Variants in SOX5 observed in about 807,000 individuals in gnomAD.
SOX5 encodes transcription factor SOX-5.
In SOX5, 9 loss-of-function variants were observed where a neutral mutation model predicts 92.0. The observed-to-expected ratio is 0.10, with a 90% CI of 0.06 to 0.17. The LOEUF (loss-of-function observed/expected upper bound fraction) is 0.17, where lower values mean the gene tolerates loss of function less well. Ranked by LOEUF, SOX5 falls within the 10% of genes least tolerant of loss-of-function variation. The probability of loss-of-function intolerance (pLI) is 1.00; values close to 1 mark genes in which losing one functional copy is unlikely to be tolerated. For synonymous variants in SOX5, 344 were observed against 336.3 expected (o/e 1.02, Z -0.25); for missense variants, 642 against 944.5 (o/e 0.68, Z 4.20).
At chr12:24,547,430 A>T (rs937142356) in intron 1 of SOX5, among the ~76,000 whole-genome samples, 1 of 151,854 alleles carries the variant, frequency 6.6e-6, no homozygotes, top group Non-Finnish European at 1.5e-5. Context: ...TGACCTCATG[A>T]TCCACCCGCC....
chr12:24,216,472 C>A (rs1484524378), intron 3 of SOX5, among the ~76,000 whole-genome samples: 1 of 151,540 alleles, frequency 6.6e-6, no homozygotes, highest in South Asian at 2.1e-4. Context: ...TGACAGAGCG[C>A]GACTCCGCCT....
chr12:23,712,961 C>A (rs1235217809), intron 6 of SOX5, among the ~76,000 whole-genome samples: 1 of 152,050 alleles, frequency 6.6e-6, no homozygotes, highest in Admixed American at 6.6e-5. Flanking sequence ...AACTGTGTTC[C>A]CCCAAAAGAT....
intron 1 of SOX5, among the ~76,000 whole-genome samples, chr12:23,917,411 G>A (rs1023741089): frequency 3.3e-5 from 5 of 151,970 alleles, no homozygotes; most frequent in African/African-American, 1.2e-4. Context: ...AAAATGGATA[G>A]GCCTGGTGGC....
At chr12:24,384,446 A>G (rs1958157187) in intron 1 of SOX5, among the ~76,000 whole-genome samples, 1 of 152,218 alleles carries the variant, frequency 6.6e-6, no homozygotes, top group Admixed American at 6.5e-5. Context: ...CAATGTGCCC[A>G]AAGCATAAGA....
At chr12:24,078,243 C>G (rs1942892093) in intron 4 of SOX5, among the ~76,000 whole-genome samples, 1 of 151,936 alleles carries the variant, frequency 6.6e-6, no homozygotes, top group South Asian at 2.1e-4. Flanking sequence ...AGAAGTAACA[C>G]TAGCTATGGA....
chr12:24,326,175 C>A (rs1244176157), intron 2 of SOX5, among the ~76,000 whole-genome samples: 1 of 152,148 alleles, frequency 6.6e-6, no homozygotes, highest in Non-Finnish European at 1.5e-5. Flanking sequence ...ATTTGCTTCC[C>A]TTTTCTTACT....
At chr12:23,995,798 G>C (rs922494655) in intron 4 of SOX5, among the ~76,000 whole-genome samples, 1 of 152,144 alleles carries the variant, frequency 6.6e-6, no homozygotes, top group Non-Finnish European at 1.5e-5. Context: ...TCTGCTCATC[G>C]TAGTTACATA....
chr12:24,067,987 T>C (rs1941065334), intron 4 of SOX5, among the ~76,000 whole-genome samples: 1 of 152,046 alleles, frequency 6.6e-6, no homozygotes, highest in Non-Finnish European at 1.5e-5. Context: ...TCTACTAAAA[T>C]ACAAAAAATT....
At chr12:23,668,772 T>C (rs950817669) in intron 6 of SOX5, among the ~76,000 whole-genome samples, 1 of 152,140 alleles carries the variant, frequency 6.6e-6, no homozygotes, top group Non-Finnish European at 1.5e-5. Context: ...AAGAGGCTAC[T>C]TCCTATATTT....
At chr12:24,223,938 G>A (rs1235198210) in intron 3 of SOX5, among the ~76,000 whole-genome samples, 1 of 152,204 alleles carries the variant, frequency 6.6e-6, no homozygotes, top group African/African-American at 2.4e-5. Context: ...TCTTCAGGCA[G>A]GTGGCATCTC....
intron 2 of SOX5, among the ~76,000 whole-genome samples, chr12:23,890,636 C>T (rs373064299): frequency 6.6e-6 from 1 of 152,066 alleles, no homozygotes. Flanking sequence ...GTACTCTATT[C>T]CCTTCTGGTG....
intron 6 of SOX5, among the ~76,000 whole-genome samples, chr12:23,676,609 G>C (rs1363058785): frequency 6.6e-6 from 1 of 152,172 alleles, no homozygotes; most frequent in Non-Finnish European, 1.5e-5. Flanking sequence ...AGGAATACCG[G>C]GGCAGAGACT....
intron 2 of SOX5, among the ~76,000 whole-genome samples, chr12:23,850,447 TAAATAAAAAAA>T (rs1466630491): frequency 1.0e-4 from 10 of 99,518 alleles, no homozygotes; most frequent in African/African-American, 3.9e-4. Context: ...AATAAATAAA[TAAATAAAAAAA>T]AAATAAATAA....
chr12:24,120,611 C>T (rs545982004), intron 4 of SOX5, among the ~76,000 whole-genome samples: 1 of 152,274 alleles, frequency 6.6e-6, no homozygotes, highest in South Asian at 2.1e-4. Flanking sequence ...AAAAATAAAG[C>T]ATTCAATATT....
chr12:24,375,765 A>G (rs933319110), intron 1 of SOX5, among the ~76,000 whole-genome samples: 13 of 151,570 alleles, frequency 8.6e-5, no homozygotes, highest in African/African-American at 2.2e-4. Flanking sequence ...GTGAGAATAC[A>G]TTATGGAAAC....
At chr12:24,511,368 C>A (rs1163157664) in intron 1 of SOX5, among the ~76,000 whole-genome samples, 2 of 152,174 alleles carry the variant, frequency 1.3e-5, no homozygotes, top group African/African-American at 2.4e-5. Context: ...CCCAATGTTC[C>A]ATGACTATGT....
chr12:24,008,313 C>G (rs1330012149), intron 4 of SOX5, among the ~76,000 whole-genome samples: 6 of 152,104 alleles, frequency 3.9e-5, no homozygotes, highest in Non-Finnish European at 5.9e-5. Context: ...AGAATAAAAG[C>G]ATTCTACAAT....
chr12:23,728,070 AAGG>A lies in SOX5; in HGVS notation c.810+6611_810+6613del, dbSNP rs758653012. On this transcript the variant is annotated intron_variant, in intron 6 of 14. Coordinates refer to ENST00000451604, the MANE Select transcript of SOX5 (RefSeq NM_006940.6). ...TTTTAAAGTGGCTCCCTCTGAGTGAAAGGACAGGGCTGCAGGCAGTTATCCTTA... is the reference window on the plus strand; with the variant it reads ...TTTTAAAGTGGCTCCCTCTGAGTGAAACAGGGCTGCAGGCAGTTATCCTTA... Among the ~76,000 whole-genome samples the A allele has an allele frequency of 4.9e-3, 753 of 152,310 alleles. 2 individuals are homozygous for A. Among genetic ancestry groups the A allele is most frequent in the Non-Finnish European group, 6.2e-3 (420 of 68,022 alleles).
chr12:24,212,392 C>A, intron 4 of SOX5: 1 of 533,428 alleles, frequency 1.9e-6, no homozygotes, highest in Non-Finnish European at 3.9e-6. Context: ...ATTTATCTCT[C>A]TGTATAATGA....
Sources: allele counts gnomAD v4.1 joint callset (sites outside exome capture counted in the v4.1 genomes callset), GRCh38; gene constraint gnomAD v4.1.1; transcripts MANE v1.5; gene names NCBI Gene and HGNC (gene_info 2026-07-23, HGNC 2026-07-21).